The following ADCY8 variants were observed in gnomAD, a reference collection of about 807,000 sequenced individuals.
The protein encoded by ADCY8 is adenylate cyclase 8, also known as adenylate cyclase type 8.
Under a neutral mutation model 119.7 loss-of-function variants are expected in ADCY8, and 51 were observed. The ratio of observed to expected loss-of-function variants is 0.43; its 90% CI spans 0.34 to 0.54. The LOEUF (loss-of-function observed/expected upper bound fraction) is 0.54, where lower values mean the gene tolerates loss of function less well. Ranked by LOEUF, ADCY8 falls within the 20% of genes least tolerant of loss-of-function variation. ADCY8 has a pLI of 0.03. For missense variants in ADCY8, 1,383 were observed against 1,598.8 expected, an observed-to-expected ratio of 0.87 and a Z score of 2.30; for synonymous variants, 665 against 651.0, an observed-to-expected ratio of 1.02 and a Z score of -0.33.
At chr8:130,837,538 A>G (rs527573170) in intron 11 of ADCY8, among the ~76,000 whole-genome samples, 52 of 152,328 alleles carry the variant, frequency 3.4e-4, no homozygotes, top group Non-Finnish European at 6.0e-4. Flanking sequence ...TAACTGCTTA[A>G]ATTGCAAATT....
intron 5 of ADCY8, among the ~76,000 whole-genome samples, chr8:130,926,929 GTATTCCATTACATATATATA>G (rs1268365034): frequency 7.3e-6 from 1 of 136,674 alleles, no homozygotes; most frequent in Non-Finnish European, 1.5e-5. Context: ...TGGTGTAATA[GTATTCCATTACATATATATA>G]TATATATATA....
rs777872040 is a variant in ADCY8, at chr8:130,867,884, T to C, written c.2172A>G (p.Leu724=). 5.6e-6 allele frequency: 9 copies of C among 1,612,190 alleles called. No homozygotes were observed. Among genetic ancestry groups the C allele is most frequent in the Non-Finnish European group, 7.6e-6 (9 of 1,179,010 alleles). ...GCAAACTTTGTATTGCCGTGATAAATAGAAGAACGATAAATGCACAGACCA... is the reference window on the plus strand; with the variant it reads ...GCAAACTTTGTATTGCCGTGATAAACAGAAGAACGATAAATGCACAGACCA... ...SNLVCAFIVL[L]FITAIQSLLP... is the part of the protein sequence containing the mutation. The change falls in exon 9 of 18, where the codon CTA becomes CTG. Residue 724 remains leucine (L), a synonymous_variant. Transcript: ENST00000286355.
chr8:131,037,443 A>G (rs904264567), intron 1 of ADCY8, among the ~76,000 whole-genome samples: 1 of 152,194 alleles, frequency 6.6e-6, no homozygotes, highest in Non-Finnish European at 1.5e-5. Context: ...AACTTTGAAA[A>G]CACTCATAAT....
At chr8:130,908,167 TA>T (rs1819852508) in intron 6 of ADCY8, among the ~76,000 whole-genome samples, 2 of 152,212 alleles carry the variant, frequency 1.3e-5, no homozygotes, top group African/African-American at 4.8e-5. Context: ...GAACAATAGC[TA>T]AACTGGCTTC....
chr8:130,865,378 C>A (rs2130381243), intron 9 of ADCY8, among the ~76,000 whole-genome samples: 1 of 151,534 alleles, frequency 6.6e-6, no homozygotes, highest in East Asian at 1.9e-4. Flanking sequence ...GCTGTCTTTC[C>A]AAATTTCTAA....
At position 130,846,796 on chromosome 8, in the gene ADCY8, T is replaced by TTC. The variant is rs1440894557; in HGVS notation, c.2502+626_2502+627dup. Among the ~76,000 whole-genome samples the TTC allele has an allele frequency of 1.6e-3, 105 of 67,316 alleles. 4 individuals carry two copies. The highest frequency in any genetic ancestry group is 5.4e-3 in the African/African-American group (101 of 18,652). The allele number at this position is 67,316 out of a possible 152,430, so 44.2% of individuals were successfully genotyped here. On this transcript the variant is annotated intron_variant, in intron 11 of 17. Coordinates refer to ENST00000286355, the MANE Select transcript of ADCY8 (RefSeq NM_001115.3). ...CTTCCTTCTCCTTCCTTCCTTCTCC[T>TTC]TCCTTCCTTCCCTCCCCTCCCTTTC... is the stretch of plus-strand genomic sequence containing the variant.
intron 1 of ADCY8, among the ~76,000 whole-genome samples, chr8:131,035,274 A>G (rs1051685407): frequency 6.6e-6 from 1 of 152,160 alleles, no homozygotes; most frequent in African/African-American, 2.4e-5. Flanking sequence ...GAGCTAAGTC[A>G]GAGTGAAATA....
intron 5 of ADCY8, among the ~76,000 whole-genome samples, chr8:130,914,685 A>G (rs1330862703): frequency 6.6e-6 from 1 of 152,144 alleles, no homozygotes; most frequent in Non-Finnish European, 1.5e-5. Context: ...AATGGAGACA[A>G]TTCTACTCCT....
At chr8:130,880,321 A>C (rs1442821513) in intron 8 of ADCY8, among the ~76,000 whole-genome samples, 1 of 152,066 alleles carries the variant, frequency 6.6e-6, no homozygotes, top group Non-Finnish European at 1.5e-5. Flanking sequence ...ATCCAAAGAG[A>C]TTTCATTTTT....
At chr8:130,842,878 A>G (rs564961572) in intron 11 of ADCY8, among the ~76,000 whole-genome samples, 3,179 of 151,720 alleles carry the variant, frequency 0.021, 48 homozygotes, top group Middle Eastern at 0.058. Flanking sequence ...TCTCAAAAAA[A>G]AAAAAAAAAA....
intron 9 of ADCY8, among the ~76,000 whole-genome samples, chr8:130,856,540 G>A (rs1469748113): frequency 1.3e-5 from 2 of 152,098 alleles, no homozygotes; most frequent in African/African-American, 2.4e-5. Context: ...TCGCCACCCC[G>A]AGGTGCCTTC....
chr8:130,922,551 C>G (rs1348884534), intron 5 of ADCY8, among the ~76,000 whole-genome samples: 1 of 151,940 alleles, frequency 6.6e-6, no homozygotes, highest in Non-Finnish European at 1.5e-5. Context: ...AACAGGATCC[C>G]AAGGCAGAAG....
chr8:131,034,112 G>T (rs767325317), intron 1 of ADCY8, among the ~76,000 whole-genome samples: 21 of 152,052 alleles, frequency 1.4e-4, no homozygotes, highest in Non-Finnish European at 3.1e-4. Flanking sequence ...GGATATTTAT[G>T]TCTCTCAAAT....
At chr8:130,857,207 A>C (rs533876121) in intron 9 of ADCY8, among the ~76,000 whole-genome samples, 1 of 145,054 alleles carries the variant, frequency 6.9e-6, no homozygotes, top group Admixed American at 7.1e-5. Context: ...TAACCTGCAC[A>C]TTGTGCACAT....
chr8:130,979,058 A>G (rs551125230), intron 2 of ADCY8, among the ~76,000 whole-genome samples: 78 of 152,304 alleles, frequency 5.1e-4, no homozygotes, highest in African/African-American at 1.7e-3. Context: ...GGAATAAGTA[A>G]TGTTCTATGA....
intron 8 of ADCY8, among the ~76,000 whole-genome samples, chr8:130,869,404 G>A (rs1448673172): frequency 1.3e-5 from 2 of 151,628 alleles, no homozygotes; most frequent in Non-Finnish European, 2.9e-5. Context: ...TAGCCACAAA[G>A]CAGTTAATTC....
At chr8:130,791,744 G>A (rs4341178) in intron 15 of ADCY8, among the ~76,000 whole-genome samples, 16,713 of 152,180 alleles carry the variant, frequency 0.11, 979 homozygotes, top group Middle Eastern at 0.14. Flanking sequence ...CCAGGTGTGG[G>A]GAGGAACTCT....
intron 5 of ADCY8, among the ~76,000 whole-genome samples, chr8:130,928,604 C>T (rs915277231): frequency 2.6e-5 from 4 of 152,194 alleles, no homozygotes; most frequent in African/African-American, 7.2e-5. Flanking sequence ...ACCATCCATG[C>T]ATCCTGGGAT....
intron 15 of ADCY8, among the ~76,000 whole-genome samples, chr8:130,798,392 G>A (rs1815654327): frequency 3.3e-5 from 5 of 152,204 alleles, no homozygotes; most frequent in South Asian, 4.1e-4. Flanking sequence ...TCATGGAGTC[G>A]AGGGAGAGAG....
Sources: allele counts gnomAD v4.1 joint callset (sites outside exome capture counted in the v4.1 genomes callset), GRCh38; gene constraint gnomAD v4.1.1; transcripts MANE v1.5; gene names NCBI Gene and HGNC (gene_info 2026-07-23, HGNC 2026-07-21).